The following CACNA2D2 variants were observed in gnomAD, a reference collection of about 807,000 sequenced individuals.
The protein encoded by CACNA2D2 is calcium voltage-gated channel auxiliary subunit alpha2delta 2.
Under a neutral mutation model 166.4 loss-of-function variants are expected in CACNA2D2, and 48 were observed. The observed-to-expected ratio is 0.29, with a 90% confidence interval of 0.23 to 0.37. The LOEUF is 0.37. Among genes scored for constraint, CACNA2D2 ranks in the 10% least tolerant of loss-of-function variants. The pLI is 1.00. For synonymous variants in CACNA2D2, 561 were observed against 573.7 expected (o/e 0.98, Z 0.32); for missense variants, 1,122 against 1,433.0 (o/e 0.78, Z 3.50).
chr3:50,464,821 C>T (rs895723289), intron 2 of CACNA2D2, among the ~76,000 whole-genome samples: 4 of 152,138 alleles, frequency 2.6e-5, no homozygotes, highest in East Asian at 1.9e-4. Flanking sequence ...AGTGGCTCCT[C>T]GAAGGGAAAA....
intron 2 of CACNA2D2, among the ~76,000 whole-genome samples, chr3:50,469,662 G>T (rs1245158382): frequency 6.6e-6 from 1 of 152,176 alleles, no homozygotes; most frequent in East Asian, 1.9e-4. Flanking sequence ...CCATTTCCCA[G>T]GTGAGGGAAT....
Position 50,363,957 on chromosome 3 carries a change from G to A in CACNA2D2, c.*709C>T, listed in dbSNP as rs1428824646. ...CCCTCCCACCAACCCCTCGCCCTGT[G>A]TAAGGCTTTGTAAGCCCCTACACCC... On this transcript the variant is annotated 3_prime_UTR_variant, in exon 38 of 38. Transcript: ENST00000424201. 1 of 152,432 alleles carries A rather than the reference G, an allele frequency of 6.6e-6. No homozygotes were observed. The highest frequency in any genetic ancestry group is 1.5e-5 in the Non-Finnish European group (1 of 68,116). The allele number at this position is 152,432 out of a possible 1,614,324, so 9.4% of individuals were successfully genotyped here. A position where few individuals can be genotyped will look rare whatever the true frequency, so the allele number is the denominator to read the frequency against.
rs75677268 is a variant in CACNA2D2 at position 50,432,257 on chromosome 3, G to A, written c.405+2056C>T. On this transcript the variant is annotated intron_variant, in intron 3 of 37. Transcript: ENST00000424201. ...CAGCCCTGTGATTCCCAAGGGGCTG[G>A]GCAGGAGGCTGGGCCCTGGGCTCCA... Among the ~76,000 whole-genome samples, 811 of 152,306 alleles carry A rather than the reference G, an allele frequency of 5.3e-3. 4 individuals are homozygous for A. Among genetic ancestry groups the A allele is most frequent in the African/African-American group, 0.018 (754 of 41,564 alleles).
chr3:50,481,636 G>A (rs1006891216), intron 1 of CACNA2D2, among the ~76,000 whole-genome samples: 4 of 152,174 alleles, frequency 2.6e-5, no homozygotes, highest in Non-Finnish European at 5.9e-5. Context: ...GGGGCCCCAC[G>A]TCTCTTGCTT....
intron 2 of CACNA2D2, among the ~76,000 whole-genome samples, chr3:50,473,315 G>A (rs1559983527): frequency 6.6e-6 from 1 of 152,264 alleles, no homozygotes; most frequent in South Asian, 2.1e-4. Flanking sequence ...AAACGCTACT[G>A]TCTGCAGTTT....
In CACNA2D2 at chr3:50,380,194, G is replaced by A. The variant is rs7430513; in HGVS notation, c.843-176C>T. On this transcript the variant is annotated intron_variant, in intron 8 of 37. Transcript: ENST00000424201. This position sits in a 1 kb window ranked among gnomAD's most constrained non-coding sequence, Gnocchi z 4.9. Reference sequence around the variant, plus strand: ...CGAAACAGACACAGTCCTTGCCCATGACATGAATGGTCTGGTTCCTCAGCA... The same window carrying A: ...CGAAACAGACACAGTCCTTGCCCATAACATGAATGGTCTGGTTCCTCAGCA... Among the ~76,000 whole-genome samples the A allele has an allele frequency of 6.6e-6, 1 of 152,234 alleles. No individual in the cohort carries two copies. The highest frequency in any genetic ancestry group is 1.5e-5 in the Non-Finnish European group (1 of 68,046).
intron 2 of CACNA2D2, among the ~76,000 whole-genome samples, chr3:50,470,283 T>C (rs576609279): frequency 6.6e-6 from 1 of 152,272 alleles, no homozygotes; most frequent in East Asian, 1.9e-4. Flanking sequence ...AACAAGGGAC[T>C]GAGAAGGGGA....
rs375932550 is a variant in CACNA2D2 at position 50,379,597 on chromosome 3, G to A, written c.994-7C>T. 9.9e-6 allele frequency: 16 copies of A among 1,613,684 alleles called. No individual in the cohort carries two copies. Among genetic ancestry groups the A allele is most frequent in the Non-Finnish European group, 1.4e-5 (16 of 1,179,988 alleles). On this transcript the variant is annotated splice_polypyrimidine_tract_variant and splice_region_variant and intron_variant, in intron 10 of 37. Transcript: ENST00000424201. The surrounding 1 kb of genome is among the most constrained non-coding windows in gnomAD (Gnocchi z 6.5). ...GCTGTGCCTTCTCGTTGAACTGCAG[G>A]AACAGTAGGGTGGTGAGTGGCCTCA...
chr3:50,407,900 G>T (rs1482825778), intron 3 of CACNA2D2, among the ~76,000 whole-genome samples: 1 of 152,234 alleles, frequency 6.6e-6, no homozygotes, highest in Admixed American at 6.5e-5. Flanking sequence ...GGGTAGGAAG[G>T]AGGGCAGTGG....
Position 50,367,857 on chromosome 3 carries a change from G to A in CACNA2D2, c.2189C>T (p.Thr730Met), listed in dbSNP as rs1704425918. 3 of 1,564,310 alleles carry A rather than the reference G, an allele frequency of 1.9e-6. No individual in the cohort carries two copies. The highest frequency in any genetic ancestry group is 2.4e-5 in the East Asian group (1 of 41,348). ...LHNLILDTGI[T>M]QQLVERVWRD... is the part of the protein sequence containing the mutation. ...CCACACACGCTCTACCAGCTGCTGCGTGATGCCCGTGTCCAAGATCAGGTT... is the reference window on the plus strand; with the variant it reads ...CCACACACGCTCTACCAGCTGCTGCATGATGCCCGTGTCCAAGATCAGGTT... Residue 730 changes from threonine to methionine, a missense_variant, in exon 25 of 38, where the codon ACG (threonine) becomes ATG (methionine). Thr to Met is a moderately conservative substitution (Grantham distance 81). This residue lies in a region of CACNA2D2 where 840 missense variants were observed against 1,166.8 expected (regional missense o/e 0.72). Coordinates refer to ENST00000424201, the MANE Select transcript of CACNA2D2 (RefSeq NM_006030.4). The surrounding 1 kb of genome is among the most constrained non-coding windows in gnomAD (Gnocchi z 6.5).
At chr3:50,486,927 GCCC>G (rs1197228131) in intron 1 of CACNA2D2, among the ~76,000 whole-genome samples, 1 of 152,212 alleles carries the variant, frequency 6.6e-6, no homozygotes, top group Non-Finnish European at 1.5e-5. Flanking sequence ...TGGGAAAGGG[GCCC>G]CCATTTCAGC....
chr3:50,366,190 T>C lies in CACNA2D2; in HGVS notation c.2710-27A>G. 1 of 1,613,966 alleles carries C rather than the reference T, an allele frequency of 6.2e-7. No individual in the cohort carries two copies. On this transcript the variant is annotated intron_variant, in intron 31 of 37. Transcript: ENST00000424201. This position sits in a 1 kb window ranked among gnomAD's most constrained non-coding sequence, Gnocchi z 5.9. The stretch of plus-strand genomic sequence containing the variant: ...TGAGGATGTCAGGAGAAAGCCATGG[T>C]CACAGGGCTGGCAGTGCTACACCCC...
At chr3:50,371,038 G>C (rs963789365) in intron 22 of CACNA2D2, among the ~76,000 whole-genome samples, 4 of 152,124 alleles carry the variant, frequency 2.6e-5, no homozygotes, top group African/African-American at 7.2e-5. Context: ...GTCGGGGCTG[G>C]TGGTCCTCCC....
chr3:50,489,453 G>A (rs980227129), intron 1 of CACNA2D2, among the ~76,000 whole-genome samples: 1 of 152,206 alleles, frequency 6.6e-6, no homozygotes, highest in Non-Finnish European at 1.5e-5. Context: ...CAGCTGTTCT[G>A]TGCCAGGGAA....
intron 5 of CACNA2D2, 132 bp from the exon 6 acceptor site, chr3:50,384,469 G>T: frequency 1.9e-6 from 2 of 1,055,846 alleles, no homozygotes; most frequent in South Asian, 1.5e-5. Flanking sequence ...GACTATTGCA[G>T]TAGGAGACAC....
At chr3:50,441,259 G>T (rs965179036) in intron 2 of CACNA2D2, among the ~76,000 whole-genome samples, 1 of 152,002 alleles carries the variant, frequency 6.6e-6, no homozygotes, top group Admixed American at 6.5e-5. Context: ...AACTCACAGG[G>T]GCCTGAAGCC....
At chr3:50,394,042 C>A (rs1706017994) in intron 4 of CACNA2D2, 67 bp downstream of exon 4, 1 of 1,454,556 alleles carries the variant, frequency 6.9e-7, no homozygotes, top group South Asian at 1.1e-5. Context: ...GCTCCCACCC[C>A]CCAGCATTCA....
chr3:50,496,047 T>C (rs372716783), intron 1 of CACNA2D2, among the ~76,000 whole-genome samples: 4 of 152,184 alleles, frequency 2.6e-5, no homozygotes, highest in Admixed American at 2.6e-4. Flanking sequence ...GTTTCTAACA[T>C]AAAAGTTTGC....
chr3:50,365,218 T>G lies in CACNA2D2; in HGVS notation c.3099-34A>C. The stretch of plus-strand genomic sequence containing the variant: ...AGCCCGGAAAGGCGGGGCGTTGAGT[T>G]TGCCCCGCCCTGACCCACCCCCATC... On this transcript the variant is annotated intron_variant, in intron 35 of 37. Coordinates refer to ENST00000424201, the MANE Select transcript of CACNA2D2 (RefSeq NM_006030.4). The surrounding 1 kb of genome is among the most constrained non-coding windows in gnomAD (Gnocchi z 4.5). 1 of 1,601,454 alleles carries G rather than the reference T, an allele frequency of 6.2e-7. No individual in the cohort carries two copies. The highest frequency in any genetic ancestry group is 8.5e-7 in the Non-Finnish European group (1 of 1,171,732).
Sources: gnomAD v4.1 joint callset for allele counts (sites outside exome capture counted in the v4.1 genomes callset) on GRCh38, gnomAD v4.1.1 for gene constraint, gnomAD v4.1.1 regional missense constraint, Gnocchi (gnomAD v3.1) non-coding constraint, MANE v1.5 for transcripts, NCBI Gene and HGNC (gene_info 2026-07-23, HGNC 2026-07-21) for gene names.